The following PACRG variants were observed in gnomAD, a reference collection of about 807,000 sequenced individuals.
The protein encoded by PACRG is parkin coregulated.
PACRG carries 29 observed loss-of-function variants against 29.7 expected under a neutral mutation model. That is an observed-to-expected ratio of 0.98 (90% CI 0.73 to 1.33). The LOEUF (loss-of-function observed/expected upper bound fraction) is 1.33. PACRG is among the 40% of genes most tolerant of loss of function. The probability of loss-of-function intolerance (pLI) is 0.00; values close to 1 mark genes in which losing one functional copy is unlikely to be tolerated. For missense variants in PACRG, 279 were observed against 316.2 expected (o/e 0.88, Z 0.89); for synonymous variants, 116 against 118.7 (o/e 0.98, Z 0.15).
chr6:163,268,773 ATT>A (rs1388762048), intron 4 of PACRG, among the ~76,000 whole-genome samples: 1 of 152,150 alleles, frequency 6.6e-6, no homozygotes, highest in Non-Finnish European at 1.5e-5. Flanking sequence ...AGGAAATTCA[ATT>A]TGGATTGCTA....
At chr6:163,131,871 GC>G (rs1816755834) in intron 4 of PACRG, among the ~76,000 whole-genome samples, 3 of 152,156 alleles carry the variant, frequency 2.0e-5, no homozygotes, top group Admixed American at 2.0e-4. Context: ...CCCATAAAAT[GC>G]GTTCAATAGG....
At chr6:163,193,235 A>G (rs1315804676) in intron 4 of PACRG, among the ~76,000 whole-genome samples, 1 of 152,244 alleles carries the variant, frequency 6.6e-6, no homozygotes, top group Non-Finnish European at 1.5e-5. Flanking sequence ...ATATCCAACT[A>G]TAGAAATATG....
Position 163,315,054 on chromosome 6 carries a change from G to A in PACRG, c.*67G>A. 2.0e-6 allele frequency: 3 copies of A among 1,529,596 alleles called. No individual in the cohort carries two copies. Among genetic ancestry groups the A allele is most frequent in the South Asian group, 1.2e-5 (1 of 81,508 alleles). The allele number at this position is 1,529,596 out of a possible 1,614,324, so 94.8% of individuals were successfully genotyped here. A position where few individuals can be genotyped will look rare whatever the true frequency, so the allele number is the denominator to read the frequency against. On this transcript the variant is annotated 3_prime_UTR_variant, in exon 5 of 5. Transcript: ENST00000366888. The stretch of plus-strand genomic sequence containing the variant: ...GGATCATCTGTCTCTGTTGCTTTTA[G>A]CATCTCATTCCTTGTGACTTCCACA...
At chr6:163,104,379 A>G (rs142037331) in intron 4 of PACRG, among the ~76,000 whole-genome samples, 1 of 152,296 alleles carries the variant, frequency 6.6e-6, no homozygotes, top group Non-Finnish European at 1.5e-5. Context: ...AAATCTGTGT[A>G]TGTAGCTGTC....
At chr6:162,987,957 A>C (rs958265987) in intron 2 of PACRG, among the ~76,000 whole-genome samples, 1 of 152,126 alleles carries the variant, frequency 6.6e-6, no homozygotes, top group Admixed American at 6.5e-5. Context: ...TTATTATGTC[A>C]TGAGTTGCTG....
At chr6:163,305,864 C>T (rs1785181931) in intron 4 of PACRG, among the ~76,000 whole-genome samples, 1 of 152,184 alleles carries the variant, frequency 6.6e-6, no homozygotes, top group African/African-American at 2.4e-5. Context: ...ACTTACTCAC[C>T]TGGAACCTCT....
At chr6:162,848,117 C>T (rs958914854) in intron 2 of PACRG, among the ~76,000 whole-genome samples, 4 of 152,072 alleles carry the variant, frequency 2.6e-5, no homozygotes, top group African/African-American at 9.7e-5. Flanking sequence ...CTGGAGGCTG[C>T]GGCCCAGGAG....
At chr6:162,753,195 G>T (rs184722931) in intron 1 of PACRG, among the ~76,000 whole-genome samples, 12 of 152,058 alleles carry the variant, frequency 7.9e-5, no homozygotes, top group Non-Finnish European at 4.4e-5. Flanking sequence ...CTCAAAATAT[G>T]TTTCTTCTTT....
At chr6:162,925,494 G>A (rs866919309) in intron 2 of PACRG, among the ~76,000 whole-genome samples, 1 of 152,172 alleles carries the variant, frequency 6.6e-6, no homozygotes, top group South Asian at 2.1e-4. Flanking sequence ...TGCCTGGAAT[G>A]CAAGGCTGGT....
At position 163,149,131 on chromosome 6, in the gene PACRG, C is replaced by T. The variant is rs1022497927; in HGVS notation, c.613+59723C>T. Among the ~76,000 whole-genome samples, 6 of 152,062 alleles carry T rather than the reference C, an allele frequency of 3.9e-5. 1 individual carries two copies. The highest frequency in any genetic ancestry group is 4.1e-4 in the South Asian group (2 of 4,826). ...TTCCCCTTCCTTGAAGCTCCTGCCC[C>T]GGCCCTGCCACCTCCCGCAGACCGA... On this transcript the variant is annotated intron_variant, in intron 4 of 4. Transcript: ENST00000366888.
intron 2 of PACRG, among the ~76,000 whole-genome samples, chr6:162,882,091 TG>T (rs569901995): frequency 1.6e-5 from 1 of 60,654 alleles, no homozygotes; most frequent in Non-Finnish European, 3.1e-5. Context: ...AGACTCGGGG[TG>T]GGGGGGCGCA....
At chr6:162,837,089 A>G (rs1013475594) in intron 2 of PACRG, among the ~76,000 whole-genome samples, 2 of 152,164 alleles carry the variant, frequency 1.3e-5, no homozygotes, top group African/African-American at 4.8e-5. Context: ...TGTAATAAGT[A>G]GGGAATAATG....
intron 4 of PACRG, among the ~76,000 whole-genome samples, chr6:163,167,618 G>A (rs1778873446): frequency 1.3e-5 from 2 of 152,084 alleles, no homozygotes; most frequent in African/African-American, 4.8e-5. Context: ...TTGGTAAAAA[G>A]TAATAACATA....
intron 4 of PACRG, among the ~76,000 whole-genome samples, chr6:163,215,914 A>G (rs1302845029): frequency 6.6e-6 from 1 of 152,204 alleles, no homozygotes. Context: ...CCTCAGCAAA[A>G]GCGATTTCCA....
chr6:162,885,862 C>G (rs897658512), intron 2 of PACRG, among the ~76,000 whole-genome samples: 3 of 152,038 alleles, frequency 2.0e-5, no homozygotes, highest in African/African-American at 7.2e-5. Context: ...ATCCTTCATC[C>G]CTGTCTTAGA....
At chr6:163,245,219 G>A (rs1181747498) in intron 4 of PACRG, 2 of 236,292 alleles carry the variant, frequency 8.5e-6, no homozygotes, top group Non-Finnish European at 1.7e-5. Flanking sequence ...AGTTTATTAT[G>A]GCTTTATCTT....
At chr6:162,976,616 T>C (rs1463932279) in intron 2 of PACRG, among the ~76,000 whole-genome samples, 1 of 152,220 alleles carries the variant, frequency 6.6e-6, no homozygotes, top group Non-Finnish European at 1.5e-5. Context: ...AGATTAAGTA[T>C]TCAAGTCATA....
At chr6:163,036,886 AT>A (rs1808246191) in intron 2 of PACRG, among the ~76,000 whole-genome samples, 5 of 151,436 alleles carry the variant, frequency 3.3e-5, no homozygotes, top group Admixed American at 2.0e-4. Context: ...CCATCCATCC[AT>A]CCATCCATCC....
At chr6:163,152,803 A>G (rs890302761) in intron 4 of PACRG, among the ~76,000 whole-genome samples, 6 of 152,238 alleles carry the variant, frequency 3.9e-5, no homozygotes, top group Admixed American at 6.5e-5. Flanking sequence ...TTATATGTCA[A>G]TGCAGGCTAT....
Sources: gnomAD v4.1 joint callset for allele counts (sites outside exome capture counted in the v4.1 genomes callset) on GRCh38, gnomAD v4.1.1 for gene constraint, MANE v1.5 for transcripts, NCBI Gene and HGNC (gene_info 2026-07-23, HGNC 2026-07-21) for gene names.